Variants in SPTBN4 observed in about 807,000 individuals in gnomAD.
SPTBN4 encodes the protein spectrin beta, non-erythrocytic 4, also known as spectrin beta chain, non-erythrocytic 4.
A neutral mutation model predicts 277.8 loss-of-function variants in SPTBN4; 96 were observed. The ratio of observed to expected loss-of-function variants is 0.35; its 90% CI spans 0.29 to 0.41. The LOEUF (loss-of-function observed/expected upper bound fraction) is 0.41. Among genes scored for constraint, SPTBN4 ranks in the 10% least tolerant of loss-of-function variants. SPTBN4 has a pLI of 1.00. For missense variants in SPTBN4, 3,006 were observed against 3,595.7 expected (o/e 0.84, Z 4.19); for synonymous variants, 1,481 against 1,580.3 (o/e 0.94, Z 1.49).
chr19:40,564,943 A>G (rs543945370), intron 27 of SPTBN4, among the ~76,000 whole-genome samples: 2 of 152,112 alleles, frequency 1.3e-5, no homozygotes, highest in Non-Finnish European at 2.9e-5. Context: ...TTAGTGAACC[A>G]TGGACCCTCA....
Position 40,504,152 on chromosome 19 carries a change from G to GGGGGGGT in SPTBN4, c.1665+20_1665+21insGGGGGGT. The GGGGGGGT allele has an allele frequency of 1.1e-6, 1 of 877,200 alleles. No individual in the cohort carries two copies. The highest frequency in any genetic ancestry group is 1.8e-6 in the Non-Finnish European group (1 of 566,480). The allele number at this position is 877,200 out of a possible 1,614,324, so 54.3% of individuals were successfully genotyped here. On this transcript the variant is annotated intron_variant, in intron 12 of 35. Transcript: ENST00000598249. ...ATGCAGGTGCCGGCGGGGGGGCGGGGATGCGGGTGGAGTGCCAGGAGGGAG... is the reference window on the plus strand; with the variant it reads ...ATGCAGGTGCCGGCGGGGGGGCGGGGGGGGGGTATGCGGGTGGAGTGCCAGGAGGGAG...
At chr19:40,545,326 C>T (rs897239907) in intron 20 of SPTBN4, among the ~76,000 whole-genome samples, 3 of 151,738 alleles carry the variant, frequency 2.0e-5, no homozygotes, top group African/African-American at 7.3e-5. Context: ...AAACTCCTGA[C>T]CTTGTGATCT....
rs1485701763 is a variant in SPTBN4 at position 40,572,102 on chromosome 19, C to A, written c.7403C>A (p.Thr2468Lys). 6.2e-7 allele frequency: 1 copy of A among 1,613,130 alleles called. No individual in the cohort carries two copies. The highest frequency in any genetic ancestry group is 1.7e-5 in the Admixed American group (1 of 59,776). ...KDSKGPASGSTHGGEPLLSLH... is the reference protein window; with the variant it reads ...KDSKGPASGSKHGGEPLLSLH... ...TCCAAGGGCCCGGCATCCGGGAGCACACACGGTGGGGAACCGCTGCTCAGC... is the reference window on the plus strand; with the variant it reads ...TCCAAGGGCCCGGCATCCGGGAGCAAACACGGTGGGGAACCGCTGCTCAGC... Residue 2468 changes from threonine to lysine, a missense_variant, in exon 34 of 36, where the codon ACA becomes AAA. Coordinates refer to ENST00000598249, the MANE Select transcript of SPTBN4 (RefSeq NM_020971.3).
chr19:40,568,339 A>G (rs2081118099), intron 31 of SPTBN4, 57 bp downstream of exon 31: 3 of 1,512,342 alleles, frequency 2.0e-6, no homozygotes, highest in Admixed American at 2.2e-5. Context: ...GAGAGCTCCT[A>G]GAACCCCTCA....
At chr19:40,509,032 T>C (rs2080360635) in intron 13 of SPTBN4, among the ~76,000 whole-genome samples, 1 of 151,694 alleles carries the variant, frequency 6.6e-6, no homozygotes, top group African/African-American at 2.4e-5. Flanking sequence ...AGTGGCCCCA[T>C]CTGATATGAG....
At chr19:40,537,305 C>T (rs974582553) in intron 20 of SPTBN4, among the ~76,000 whole-genome samples, 1 of 152,174 alleles carries the variant, frequency 6.6e-6, no homozygotes, top group African/African-American at 2.4e-5. Context: ...CCATGGCATC[C>T]AGACTGTAGT....
At chr19:40,478,912 A>G (rs770004548) in intron 2 of SPTBN4, among the ~76,000 whole-genome samples, 7 of 152,210 alleles carry the variant, frequency 4.6e-5, no homozygotes, top group Non-Finnish European at 1.0e-4. Flanking sequence ...GGGTTCACAT[A>G]TAGCTCTACA....
intron 20 of SPTBN4, among the ~76,000 whole-genome samples, chr19:40,541,643 A>G (rs2080803030): frequency 6.6e-6 from 1 of 151,858 alleles, no homozygotes; most frequent in Non-Finnish European, 1.5e-5. Context: ...TGTGTGAGCG[A>G]TCTGTCCCCC....
intron 2 of SPTBN4, among the ~76,000 whole-genome samples, chr19:40,482,619 G>A (rs1288492074): frequency 6.6e-6 from 1 of 152,222 alleles, no homozygotes; most frequent in Non-Finnish European, 1.5e-5. Flanking sequence ...ATTTTAAAAT[G>A]TTGGCAACTG....
Position 40,511,697 on chromosome 19 carries a change from G to A in SPTBN4, c.1817-909G>A, listed in dbSNP as rs867315979. ...GTGGAAGGATTGCTTGAGGCCAGCC[G>A]TTCAAGACCAGCCTGGCCAACATAG... is the stretch of plus-strand genomic sequence containing the variant. On this transcript the variant is annotated intron_variant, in intron 13 of 35. Coordinates refer to ENST00000598249, the MANE Select transcript of SPTBN4 (RefSeq NM_020971.3). Among the ~76,000 whole-genome samples the A allele has an allele frequency of 2.0e-4, 30 of 152,250 alleles. No individual in the cohort carries two copies. In the Middle Eastern group the frequency reaches 0.02, roughly 104 times the overall value.
intron 2 of SPTBN4, among the ~76,000 whole-genome samples, chr19:40,487,037 ACT>A (rs202218057): frequency 1.4e-5 from 2 of 144,836 alleles, no homozygotes; most frequent in Admixed American, 6.9e-5. Context: ...CTGAGGCTGG[ACT>A]CTCTTTTTTT....
rs141689236 is a variant in SPTBN4, at chr19:40,500,868, AGAAAG to A, written c.785-1033_785-1029del. Among the ~76,000 whole-genome samples the A allele has an allele frequency of 8.8e-3, 1,343 of 152,022 alleles. 19 individuals carry two copies. Among genetic ancestry groups the A allele is most frequent in the African/African-American group, 0.03 (1,240 of 41,444 alleles). The stretch of plus-strand genomic sequence containing the variant: ...TCAAAAAAAAAGAAAGAAAAAGAAA[AGAAAG>A]GAAAGGAAAGGAAAGGAAAAGAAAG... On this transcript the variant is annotated intron_variant, in intron 7 of 35. Transcript: ENST00000598249.
At chr19:40,491,334 CAG>C (rs1286461576) in intron 4 of SPTBN4, among the ~76,000 whole-genome samples, 3 of 152,016 alleles carry the variant, frequency 2.0e-5, no homozygotes, top group Non-Finnish European at 4.4e-5. Flanking sequence ...AGCTGAGGCT[CAG>C]GGGATGGAAG....
At position 40,545,226 on chromosome 19, in the gene SPTBN4, G is replaced by T. The variant is rs530069028; in HGVS notation, c.4360-3963G>T. On this transcript the variant is annotated intron_variant, in intron 20 of 35. Transcript: ENST00000598249. ...TTCTCCTGCCTCAGCCTCCCAAGTA[G>T]CTGGGATTACAGGCGTGCATCACCA... 3.9e-5 allele frequency among the ~76,000 whole-genome samples: 6 copies of T among 152,044 alleles called. 1 individual carries two copies. Among genetic ancestry groups the T allele is most frequent in the African/African-American group, 1.4e-4 (6 of 41,448 alleles).
intron 17 of SPTBN4, 32 bp downstream of exon 17, chr19:40,523,671 G>A (rs756714570): frequency 1.3e-6 from 2 of 1,569,792 alleles, no homozygotes; most frequent in Non-Finnish European, 8.7e-7. Flanking sequence ...ACCCCAGGGA[G>A]GGGGCAGAAG....
In SPTBN4 at chr19:40,534,175, C is replaced by T. The variant is rs762664076; in HGVS notation, c.4191C>T (p.Ser1397=). The change falls in exon 20 of 36, where the codon AGC becomes AGT. Residue 1397 remains serine, a synonymous_variant. Coordinates refer to ENST00000598249, the MANE Select transcript of SPTBN4 (RefSeq NM_020971.3). ...EIRQCWAELE[S]TTQAKARQLF... is the part of the protein sequence containing the mutation. ...GCCAGTGCTGGGCGGAGCTGGAGAG[C>T]ACCACCCAGGCCAAGGCACGGCAGC... 5 of 1,613,614 alleles carry T rather than the reference C, an allele frequency of 3.1e-6. No homozygotes were observed. In the African/African-American group the frequency reaches 6.7e-5, roughly 22 times the overall value.
chr19:40,483,585 T>C (rs1382854036), intron 2 of SPTBN4, among the ~76,000 whole-genome samples: 2 of 152,144 alleles, frequency 1.3e-5, no homozygotes, highest in African/African-American at 2.4e-5. Flanking sequence ...AAAGGAAATA[T>C]CTTGTTTGTG....
At position 40,568,148 on chromosome 19, in the gene SPTBN4, G is replaced by T; in HGVS notation, c.6822G>T (p.Glu2274Asp). ...RRRPERQESA[E>D]HEAAHSLTLG... ...GGCCGGAGCGGCAGGAGTCAGCGGAGCACGAGGCGGCACACAGCCTTACCC... is the reference window on the plus strand; with the variant it reads ...GGCCGGAGCGGCAGGAGTCAGCGGATCACGAGGCGGCACACAGCCTTACCC... The change falls in exon 31 of 36, where the codon GAG (glutamate) becomes GAT (aspartate). Residue 2274 changes from glutamate to aspartate, a missense_variant. Coordinates refer to ENST00000598249, the MANE Select transcript of SPTBN4 (RefSeq NM_020971.3). The T allele has an allele frequency of 1.3e-6, 2 of 1,578,238 alleles. No individual in the cohort carries two copies. Among genetic ancestry groups the T allele is most frequent in the Non-Finnish European group, 1.7e-6 (2 of 1,162,864 alleles).
intron 2 of SPTBN4, among the ~76,000 whole-genome samples, chr19:40,475,993 C>T (rs1212223405): frequency 6.6e-6 from 1 of 151,916 alleles, no homozygotes; most frequent in Non-Finnish European, 1.5e-5. Context: ...TTGCAGTGAG[C>T]CGAGATTGTG....
Sources: allele counts gnomAD v4.1 joint callset (sites outside exome capture counted in the v4.1 genomes callset), GRCh38; gene constraint gnomAD v4.1.1; transcripts MANE v1.5; gene names NCBI Gene and HGNC (gene_info 2026-07-23, HGNC 2026-07-21).